SH3KBP1: variants seen among roughly 807,000 people sequenced by gnomAD.
The protein encoded by SH3KBP1 is SH3 domain containing kinase binding protein 1.
In SH3KBP1, 8 loss-of-function variants were observed where a neutral mutation model predicts 50.1. The ratio of observed to expected loss-of-function variants is 0.16; its 90% CI spans 0.09 to 0.29. The LOEUF (loss-of-function observed/expected upper bound fraction) is 0.29. SH3KBP1 is among the 10% of genes least tolerant of loss of function. SH3KBP1 has a pLI of 1.00. For missense variants in SH3KBP1, 377 were observed against 535.2 expected (o/e 0.70, Z 2.92); for synonymous variants, 227 against 218.6 (o/e 1.04, Z -0.34).
chrX:19,593,821 A>C (rs903581980), intron 10 of SH3KBP1, among the ~76,000 whole-genome samples: 1 of 112,203 alleles, frequency 8.9e-6, no homozygotes, highest in African/African-American at 3.2e-5. Flanking sequence ...AGGGGTCTTC[A>C]GAGAAAAGTA....
intron 6 of SH3KBP1, among the ~76,000 whole-genome samples, chrX:19,683,516 G>A (rs148609949): frequency 0.055 from 6,143 of 111,471 alleles, 417 homozygotes; most frequent in African/African-American, 0.19. Context: ...GCACTTAGGC[G>A]GGTCCAGGAA....
chrX:19,683,221 G>A (rs1264448940), intron 6 of SH3KBP1: 2 of 318,751 alleles, frequency 6.3e-6, no homozygotes, highest in Non-Finnish European at 1.2e-5. Flanking sequence ...GCAGCAACAT[G>A]CTGCCTGCCT....
chrX:19,542,038 C>T lies in SH3KBP1; in HGVS notation c.1779G>A (p.Thr593=), dbSNP rs150468291. ...CAGGCTCCATCTTTGGTTTTCCTTC[C>T]GTGCCGAACAGAGACGGGGAGTTGG... The part of the protein sequence containing the change: ...HRANSPSLFG[T]EGKPKMEPAA... Residue 593 remains threonine, a synonymous_variant, in exon 16 of 18, where the codon ACG becomes ACA. Coordinates refer to ENST00000397821, the MANE Select transcript of SH3KBP1 (RefSeq NM_031892.3). 6.5e-4 allele frequency: 785 copies of T among 1,210,446 alleles called. No individual in the cohort carries two copies. The highest frequency in any genetic ancestry group is 9.2e-4 in the Middle Eastern group (4 of 4,353).
chrX:19,820,157 G>A (rs1202868950), intron 2 of SH3KBP1, among the ~76,000 whole-genome samples: 1 of 111,518 alleles, frequency 9.0e-6, no homozygotes. Flanking sequence ...TATTTCATGG[G>A]TACTTGAAAA....
intron 6 of SH3KBP1, among the ~76,000 whole-genome samples, chrX:19,649,232 G>C (rs898571825): frequency 6.3e-5 from 7 of 111,925 alleles, no homozygotes; most frequent in Non-Finnish European, 1.1e-4. Context: ...TGCACTAAGG[G>C]GCTGTGTTGA....
At chrX:19,742,791 A>G (rs1057490428) in intron 3 of SH3KBP1, among the ~76,000 whole-genome samples, 1 of 112,371 alleles carries the variant, frequency 8.9e-6, no homozygotes, top group Non-Finnish European at 1.9e-5. Context: ...TGGTTCATCA[A>G]GAGAATGACA....
intron 6 of SH3KBP1, among the ~76,000 whole-genome samples, chrX:19,682,575 C>T (rs764634803): frequency 1.8e-5 from 2 of 110,973 alleles, no homozygotes; most frequent in Non-Finnish European, 3.8e-5. Flanking sequence ...TGACCATATG[C>T]AACAGAAGTG....
intron 3 of SH3KBP1, among the ~76,000 whole-genome samples, chrX:19,733,198 CTTATAA>C (rs1452410793): frequency 9.0e-6 from 1 of 111,235 alleles, no homozygotes; most frequent in Non-Finnish European, 1.9e-5. Context: ...CTAAAAGTGA[CTTATAA>C]TTTGAATGAA....
intron 3 of SH3KBP1, among the ~76,000 whole-genome samples, chrX:19,735,723 G>C (rs1290143267): frequency 1.5e-5 from 1 of 65,152 alleles, no homozygotes; most frequent in Admixed American, 1.6e-4. Context: ...CTTTTTTTTG[G>C]CGGGGGGGGG....
chrX:19,668,086 G>A (rs762036150), intron 6 of SH3KBP1, among the ~76,000 whole-genome samples: 12 of 111,509 alleles, frequency 1.1e-4, no homozygotes, highest in African/African-American at 3.9e-4. Context: ...GGGATATCAT[G>A]AGGCTATCTG....
intron 1 of SH3KBP1, among the ~76,000 whole-genome samples, chrX:19,877,990 T>C (rs745961181): frequency 8.9e-6 from 1 of 112,032 alleles, no homozygotes; most frequent in African/African-American, 3.2e-5. Flanking sequence ...TTAGGACAAG[T>C]ATCACAGGAT....
chrX:19,793,310 A>T (rs2066597947), intron 2 of SH3KBP1, among the ~76,000 whole-genome samples: 1 of 97,906 alleles, frequency 1.0e-5, no homozygotes, highest in African/African-American at 4.3e-5. Flanking sequence ...TCAAGGAAAA[A>T]AAAATATATA....
In SH3KBP1 at chrX:19,762,199, C is replaced by T. The variant is rs1254244672; in HGVS notation, c.163-15758G>A. Among the ~76,000 whole-genome samples, 4 of 112,800 alleles carry T rather than the reference C, an allele frequency of 3.5e-5. No homozygotes were observed. In the East Asian group the frequency reaches 8.3e-4, roughly 23 times the overall value. ...TAACCTTGGAAAAGAATTTAGTTTA[C>T]GGTTTGACTGTAAAACAAAATTGAT... is the stretch of plus-strand genomic sequence containing the variant. On this transcript the variant is annotated intron_variant, in intron 2 of 17. Coordinates refer to ENST00000397821, the MANE Select transcript of SH3KBP1 (RefSeq NM_031892.3).
intron 15 of SH3KBP1, among the ~76,000 whole-genome samples, chrX:19,545,126 C>A (rs2065048233): frequency 8.9e-6 from 1 of 112,198 alleles, no homozygotes; most frequent in Non-Finnish European, 1.9e-5. Context: ...AAGGAAAATT[C>A]CACGGTAACC....
chrX:19,554,377 A>ATATATATCATATGAAAATATAATATATAT (rs2065417310), intron 13 of SH3KBP1, among the ~76,000 whole-genome samples: 1 of 89,853 alleles, frequency 1.1e-5, no homozygotes, highest in Non-Finnish European at 2.0e-5. Flanking sequence ...TTAAAATATA[A>ATATATATCATATGAAAATATAATATATAT]TATATATCAT....
At chrX:19,856,049 C>T (rs1176398418) in intron 1 of SH3KBP1, among the ~76,000 whole-genome samples, 1 of 110,402 alleles carries the variant, frequency 9.1e-6, no homozygotes, top group Non-Finnish European at 1.9e-5. Context: ...TTTGGGTGTT[C>T]AGTGTCTCCC....
chrX:19,745,489 A>C (rs2064891823), intron 3 of SH3KBP1, among the ~76,000 whole-genome samples: 1 of 111,855 alleles, frequency 8.9e-6, no homozygotes, highest in African/African-American at 3.3e-5. Context: ...TTTCTGGTTA[A>C]TGGAACCCTT....
chrX:19,690,597 A>C (rs1321442502), intron 5 of SH3KBP1, among the ~76,000 whole-genome samples: 1 of 112,370 alleles, frequency 8.9e-6, no homozygotes, highest in Non-Finnish European at 1.9e-5. Context: ...TATTATTTGA[A>C]AGCAAATAAT....
intron 8 of SH3KBP1, among the ~76,000 whole-genome samples, chrX:19,613,104 G>A (rs1221872164): frequency 8.9e-6 from 1 of 112,338 alleles, no homozygotes; most frequent in Non-Finnish European, 1.9e-5. Context: ...TGTGAGGCCC[G>A]ACTGCCATCA....
Sources: allele counts gnomAD v4.1 joint callset (sites outside exome capture counted in the v4.1 genomes callset), GRCh38; gene constraint gnomAD v4.1.1; transcripts MANE v1.5; gene names NCBI Gene and HGNC (gene_info 2026-07-23, HGNC 2026-07-21).